The following CABP7 variants were observed in gnomAD, a reference collection of about 807,000 sequenced individuals.
The protein encoded by CABP7 is calcium-binding protein 7.
A neutral mutation model predicts 23.1 loss-of-function variants in CABP7; 13 were observed. The ratio of observed to expected loss-of-function variants is 0.56; its 90% confidence interval spans 0.37 to 0.90. CABP7 has a LOEUF of 0.90. Ranked by LOEUF, CABP7 falls within the 40% of genes least tolerant of loss-of-function variation. The pLI, the probability that CABP7 is intolerant of heterozygous loss-of-function variation, is 0.01. For missense variants in CABP7, 248 were observed against 295.6 expected (o/e 0.84, Z 1.18); for synonymous variants, 123 against 115.3 (o/e 1.07, Z -0.43).
chr22:29,728,309 G>A (rs2067810653), intron 2 of CABP7, among the ~76,000 whole-genome samples: 1 of 152,190 alleles, frequency 6.6e-6, no homozygotes, highest in African/African-American at 2.4e-5. Flanking sequence ...ATATGGTGGA[G>A]GATGGCCCAC....
intron 1 of CABP7, among the ~76,000 whole-genome samples, chr22:29,725,660 C>T (rs558221160): frequency 0.01 from 1,549 of 152,276 alleles, 29 homozygotes; most frequent in African/African-American, 0.035. Flanking sequence ...GGAGATGGTG[C>T]CGTTCAAGCT....
Position 29,729,698 on chromosome 22 carries a change from C to A in CABP7, c.*129C>A. The A allele has an allele frequency of 1.6e-6, 2 of 1,220,074 alleles. No homozygotes were observed. The highest frequency in any genetic ancestry group is 1.5e-5 in the African/African-American group (1 of 66,354). 75.6% of individuals were successfully genotyped at this position (1,220,074 alleles called of 1,614,324 possible). ...TGCGTGTACTTCAGGGCCTGGGTAT[C>A]CAGCGAGCCCTCCCCACCCACCCAC... On this transcript the variant is annotated 3_prime_UTR_variant, in exon 5 of 5. Transcript: ENST00000216144.
In CABP7 at chr22:29,727,632, A is replaced by G; in HGVS notation, c.110-30A>G. On this transcript the variant is annotated intron_variant, in intron 1 of 4. Coordinates refer to ENST00000216144, the MANE Select transcript of CABP7 (RefSeq NM_182527.3). This position sits in a 1 kb window ranked among gnomAD's most constrained non-coding sequence, Gnocchi z 4.2. ...AGGGGGTCTGTTGGGGACCGGGGTG[A>G]AGTCCCAGCCTACTCCATTCTCTCC... 6.2e-7 allele frequency: 1 copy of G among 1,612,492 alleles called. No homozygotes were observed. The highest frequency in any genetic ancestry group is 1.1e-5 in the South Asian group (1 of 90,954).
Position 29,728,733 on chromosome 22 carries a change from C to T in CABP7, c.357C>T (p.Val119=). 6.2e-7 allele frequency: 1 copy of T among 1,610,370 alleles called. No individual in the cohort carries two copies. Among genetic ancestry groups the T allele is most frequent in the South Asian group, 1.1e-5 (1 of 91,004 alleles). Residue 119 remains valine, a synonymous_variant, in exon 3 of 5, where the codon GTC becomes GTT. Transcript: ENST00000216144. The part of the protein sequence containing the change: ...EKFHGTDFDT[V]FWKCDMQKLT... Reference sequence around the variant, plus strand: ...TCCATGGCACCGACTTTGATACTGTCTTCTGGAAGGTATCCCCTGGCTAGT... The same window carrying T: ...TCCATGGCACCGACTTTGATACTGTTTTCTGGAAGGTATCCCCTGGCTAGT...
At chr22:29,721,108 G>T (rs1449422990) in intron 1 of CABP7, among the ~76,000 whole-genome samples, 1 of 152,102 alleles carries the variant, frequency 6.6e-6, no homozygotes, top group Non-Finnish European at 1.5e-5. Flanking sequence ...AGCCCGGCGC[G>T]CCGGGAAGGC....
At position 29,727,883 on chromosome 22, in the gene CABP7, C is replaced by A. The variant is rs2067807926; in HGVS notation, c.253+78C>A. 1.3e-6 allele frequency: 2 copies of A among 1,493,604 alleles called. No homozygotes were observed. The highest frequency in any genetic ancestry group is 1.8e-6 in the Non-Finnish European group (2 of 1,112,780). 92.5% of individuals were successfully genotyped at this position (1,493,604 alleles called of 1,614,324 possible). On this transcript the variant is annotated intron_variant, in intron 2 of 4. Transcript: ENST00000216144. This position sits in a 1 kb window ranked among gnomAD's most constrained non-coding sequence, Gnocchi z 4.2. ...GGGGCAGGGGCTGGGGCCTGAGCTG[C>A]TGAGGCTGCATCCAAATTGGGTCTC...
At position 29,727,625 on chromosome 22, in the gene CABP7, C is replaced by T. The variant is rs772637837; in HGVS notation, c.110-37C>T. 2.3e-5 allele frequency: 37 copies of T among 1,611,492 alleles called. No homozygotes were observed. The highest frequency in any genetic ancestry group is 1.1e-4 in the South Asian group (10 of 90,892). ...TCTGGAAAGGGGGTCTGTTGGGGACCGGGGTGAAGTCCCAGCCTACTCCAT... is the reference window on the plus strand; with the variant it reads ...TCTGGAAAGGGGGTCTGTTGGGGACTGGGGTGAAGTCCCAGCCTACTCCAT... On this transcript the variant is annotated intron_variant, in intron 1 of 4. Coordinates refer to ENST00000216144, the MANE Select transcript of CABP7 (RefSeq NM_182527.3). This position sits in a 1 kb window ranked among gnomAD's most constrained non-coding sequence, Gnocchi z 4.2.
At chr22:29,725,065 A>G (rs1389895443) in intron 1 of CABP7, among the ~76,000 whole-genome samples, 1 of 152,050 alleles carries the variant, frequency 6.6e-6, no homozygotes, top group Non-Finnish European at 1.5e-5. Flanking sequence ...CCTCCCTGAC[A>G]TCTCCCAGGC....
Position 29,727,579 on chromosome 22 carries a change from C to T in CABP7, c.110-83C>T. On this transcript the variant is annotated intron_variant, in intron 1 of 4. Transcript: ENST00000216144. The surrounding 1 kb of genome is among the most constrained non-coding windows in gnomAD (Gnocchi z 4.2). ...GGCTCTCAAGGCCATGCTCAGGCTG[C>T]AGGGTCGGTGATCCTGGGGGTCTGG... is the stretch of plus-strand genomic sequence containing the variant. 1 of 1,555,666 alleles carries T rather than the reference C, an allele frequency of 6.4e-7. No homozygotes were observed. The highest frequency in any genetic ancestry group is 8.8e-7 in the Non-Finnish European group (1 of 1,133,262).
chr22:29,727,352 C>T lies in CABP7; in HGVS notation c.110-310C>T, dbSNP rs960934084. ...GGGAGATCCAGCATCCTCCCCTGCA[C>T]GTGGTCCCCACCACACGGGGTCGTT... On this transcript the variant is annotated intron_variant, in intron 1 of 4. Transcript: ENST00000216144. This position sits in a 1 kb window ranked among gnomAD's most constrained non-coding sequence, Gnocchi z 4.2. Among the ~76,000 whole-genome samples, 8 of 152,174 alleles carry T rather than the reference C, an allele frequency of 5.3e-5. No individual in the cohort carries two copies. Among genetic ancestry groups the T allele is most frequent in the African/African-American group, 1.9e-4 (8 of 41,432 alleles).
chr22:29,721,636 A>G (rs2067762568), intron 1 of CABP7, among the ~76,000 whole-genome samples: 1 of 151,952 alleles, frequency 6.6e-6, no homozygotes, highest in Non-Finnish European at 1.5e-5. Context: ...AGCCCAGGGG[A>G]AGCCATGGAG....
chr22:29,720,431 T>C lies in CABP7; in HGVS notation c.7T>C (p.Phe3Leu). 6.5e-7 allele frequency: 1 copy of C among 1,531,892 alleles called. No individual in the cohort carries two copies. The highest frequency in any genetic ancestry group is 8.8e-7 in the Non-Finnish European group (1 of 1,141,998). The allele number at this position is 1,531,892 out of a possible 1,614,324, so 94.9% of individuals were successfully genotyped here. The change falls in exon 1 of 5, where the codon TTC (phenylalanine) becomes CTC (leucine). Residue 3 changes from phenylalanine (F) to leucine (L), a missense_variant. Phe to Leu is a conservative substitution (Grantham distance 22). Transcript: ENST00000216144. The surrounding 1 kb of genome is among the most constrained non-coding windows in gnomAD (Gnocchi z 5.2). Reference sequence around the variant, plus strand: ...CGGGCGCGGAGCCTCCAAGATGCCGTTCCACCCGGTGACGGCGGCGTTGAT... The same window carrying C: ...CGGGCGCGGAGCCTCCAAGATGCCGCTCCACCCGGTGACGGCGGCGTTGAT... MPFHPVTAALMYR... is the reference protein window; with the variant it reads MPLHPVTAALMYR...
intron 2 of CABP7, among the ~76,000 whole-genome samples, chr22:29,728,007 A>G (rs2067808949): frequency 6.6e-6 from 1 of 152,238 alleles, no homozygotes; most frequent in Admixed American, 6.5e-5. Context: ...AGGTAGTGAC[A>G]GTCCCAGCCA....
Position 29,731,446 on chromosome 22 carries a change from T to C in CABP7, c.*1877T>C, listed in dbSNP as rs2067843412. On this transcript the variant is annotated 3_prime_UTR_variant, in exon 5 of 5. Transcript: ENST00000216144. Reference sequence around the variant, plus strand: ...CCCACCTGCCTCACCACCCTGGCTGTGGGGAGGGTCAGCTGCCTGCATGAC... The same window carrying C: ...CCCACCTGCCTCACCACCCTGGCTGCGGGGAGGGTCAGCTGCCTGCATGAC... 2 of 1,480,320 alleles carry C rather than the reference T, an allele frequency of 1.4e-6. No homozygotes were observed. The highest frequency in any genetic ancestry group is 3.0e-5 in the African/African-American group (2 of 67,686). The allele number at this position is 1,480,320 out of a possible 1,614,324, so 91.7% of individuals were successfully genotyped here.
chr22:29,727,874 C>A lies in CABP7; in HGVS notation c.253+69C>A. 1 of 1,534,924 alleles carries A rather than the reference C, an allele frequency of 6.5e-7. No homozygotes were observed. On this transcript the variant is annotated intron_variant, in intron 2 of 4. Transcript: ENST00000216144. The surrounding 1 kb of genome is among the most constrained non-coding windows in gnomAD (Gnocchi z 4.2). Reference sequence around the variant, plus strand: ...CCTGGGGGTGGGGCAGGGGCTGGGGCCTGAGCTGCTGAGGCTGCATCCAAA... The same window carrying A: ...CCTGGGGGTGGGGCAGGGGCTGGGGACTGAGCTGCTGAGGCTGCATCCAAA...
In CABP7 at chr22:29,729,183, C is replaced by T. The variant is rs759229321; in HGVS notation, c.495C>T (p.Ala165=). The part of the protein sequence containing the change: ...MTEEESHLGT[A]EECPVDVETC... ...AGGAGGAGAGCCACCTGGGCACAGC[C>T]GAGGAGTGTCCCGTGGATGTGGAGA... The change falls in exon 4 of 5, where the codon GCC becomes GCT. Residue 165 remains alanine, a synonymous_variant. Coordinates refer to ENST00000216144, the MANE Select transcript of CABP7 (RefSeq NM_182527.3). 22 of 1,609,476 alleles carry T rather than the reference C, an allele frequency of 1.4e-5. No homozygotes were observed. Among genetic ancestry groups the T allele is most frequent in the South Asian group, 1.1e-4 (10 of 90,644 alleles).
Position 29,729,869 on chromosome 22 carries a change from G to C in CABP7, c.*300G>C, listed in dbSNP as rs2067826263. 1 of 419,590 alleles carries C rather than the reference G, an allele frequency of 2.4e-6. No individual in the cohort carries two copies. Among genetic ancestry groups the C allele is most frequent in the African/African-American group, 2.0e-5 (1 of 49,464 alleles). The allele number at this position is 419,590 out of a possible 1,614,324, so 26.0% of individuals were successfully genotyped here. On this transcript the variant is annotated 3_prime_UTR_variant, in exon 5 of 5. Coordinates refer to ENST00000216144, the MANE Select transcript of CABP7 (RefSeq NM_182527.3). ...AGGGGCTCCTGGGAAATTAAGGAGG[G>C]ATTTGCACAGGAACCCCCAGGACCC...
At position 29,727,010 on chromosome 22, in the gene CABP7, C is replaced by T. The variant is rs553984627; in HGVS notation, c.110-652C>T. The stretch of plus-strand genomic sequence containing the variant: ...GTGCATTGCTCACCACCTGAGTCAC[C>T]GAGGTCATCAGGCCTCGGTCTTCTG... On this transcript the variant is annotated intron_variant, in intron 1 of 4. Coordinates refer to ENST00000216144, the MANE Select transcript of CABP7 (RefSeq NM_182527.3). This position sits in a 1 kb window ranked among gnomAD's most constrained non-coding sequence, Gnocchi z 4.2. Among the ~76,000 whole-genome samples the T allele has an allele frequency of 2.0e-5, 3 of 152,230 alleles. No individual in the cohort carries two copies. Among genetic ancestry groups the T allele is most frequent in the African/African-American group, 4.8e-5 (2 of 41,536 alleles).
chr22:29,727,574 G>A lies in CABP7; in HGVS notation c.110-88G>A. The A allele has an allele frequency of 1.3e-6, 2 of 1,544,566 alleles. No homozygotes were observed. Among genetic ancestry groups the A allele is most frequent in the Non-Finnish European group, 1.8e-6 (2 of 1,124,378 alleles). The stretch of plus-strand genomic sequence containing the variant: ...GGTTGGGCTCTCAAGGCCATGCTCA[G>A]GCTGCAGGGTCGGTGATCCTGGGGG... On this transcript the variant is annotated intron_variant, in intron 1 of 4. Coordinates refer to ENST00000216144, the MANE Select transcript of CABP7 (RefSeq NM_182527.3). This position sits in a 1 kb window ranked among gnomAD's most constrained non-coding sequence, Gnocchi z 4.2.
Sources: allele counts gnomAD v4.1 joint callset (sites outside exome capture counted in the v4.1 genomes callset), GRCh38; gene constraint gnomAD v4.1.1; non-coding constraint Gnocchi (gnomAD v3.1); transcripts MANE v1.5; gene names NCBI Gene and HGNC (gene_info 2026-07-23, HGNC 2026-07-21).